ATP11C: variants seen among roughly 807,000 people sequenced by gnomAD.
ATP11C encodes the protein ATPase phospholipid transporting 11C (ATP11C blood group), also known as phospholipid-transporting ATPase IG.
A neutral mutation model predicts 97.4 loss-of-function variants in ATP11C; 36 were observed. The ratio of observed to expected loss-of-function variants is 0.37; its 90% CI spans 0.28 to 0.49. The LOEUF (loss-of-function observed/expected upper bound fraction) is 0.49, where lower values mean the gene tolerates loss of function less well. ATP11C is among the 20% of genes least tolerant of loss of function. The pLI is 0.98. For synonymous variants in ATP11C, 275 were observed against 290.9 expected, an observed-to-expected ratio of 0.95 and a Z score of 0.56; for missense variants, 730 against 824.6, an observed-to-expected ratio of 0.89 and a Z score of 1.40.
At chrX:139,782,771 T>C (rs367988161) in intron 17 of ATP11C, 43 bp from the exon 18 acceptor site, 1,331 of 930,619 alleles carry the variant, frequency 1.4e-3, no homozygotes, top group Non-Finnish European at 1.8e-3. Context: ...TAATAATAGT[T>C]GGAAAAAAAA....
At chrX:139,744,904 A>C (rs915692627) in intron 25 of ATP11C, among the ~76,000 whole-genome samples, 2 of 111,906 alleles carry the variant, frequency 1.8e-5, no homozygotes, top group African/African-American at 6.5e-5. Context: ...TACCATTCAA[A>C]TTCACTGAAC....
At chrX:139,775,343 T>C (rs953942324) in intron 18 of ATP11C, among the ~76,000 whole-genome samples, 2 of 112,458 alleles carry the variant, frequency 1.8e-5, no homozygotes, top group Non-Finnish European at 3.8e-5. Flanking sequence ...GGTCCAAACA[T>C]TCTAATCAGA....
At chrX:139,747,337 C>G (rs2081710298) in intron 24 of ATP11C, among the ~76,000 whole-genome samples, 1 of 111,400 alleles carries the variant, frequency 9.0e-6, no homozygotes, top group Non-Finnish European at 1.9e-5. Context: ...GGGAAAAGAG[C>G]AGGAGCAGCA....
At chrX:139,889,062 C>T (rs1490328495) in intron 1 of ATP11C, among the ~76,000 whole-genome samples, 2 of 111,720 alleles carry the variant, frequency 1.8e-5, no homozygotes, top group Non-Finnish European at 3.8e-5. Flanking sequence ...CTCACCTTGG[C>T]CTCCCAAAGT....
chrX:139,769,718 G>A (rs947793422), intron 19 of ATP11C, among the ~76,000 whole-genome samples: 1 of 111,550 alleles, frequency 9.0e-6, no homozygotes, highest in Non-Finnish European at 1.9e-5. Flanking sequence ...TACAGTGGAA[G>A]CATTAGACAA....
rs757115970 is a variant in ATP11C, at chrX:139,888,812, GT to G, written c.27+43203del. On this transcript the variant is annotated intron_variant, in intron 1 of 29. Transcript: ENST00000682941. ...ACATCTACACAGAAACCTGAACACA[GT>G]TTTTTTTTTTTTGGAGACAGGGTCT... Among the ~76,000 whole-genome samples the G allele has an allele frequency of 7.9e-4, 81 of 102,634 alleles. 3 individuals are homozygous for G. The Middle Eastern group carries it at 0.015, about 19-fold the overall frequency. 89.1% of individuals were successfully genotyped at this position (102,634 alleles called of 115,157 possible).
rs948473403 is a variant in ATP11C at position 139,798,619 on chromosome X, A to G, written c.775+60T>C. Reference sequence around the variant, plus strand: ...CCATGTTTACTTTTTAATATGCACTATTTATTCACAGCCTTTACAAAGCAT... The same window carrying G: ...CCATGTTTACTTTTTAATATGCACTGTTTATTCACAGCCTTTACAAAGCAT... On this transcript the variant is annotated intron_variant, in intron 9 of 29. Coordinates refer to ENST00000682941, the MANE Select transcript of ATP11C (RefSeq NM_001353812.2). 3.0e-5 allele frequency: 28 copies of G among 932,742 alleles called. No individual in the cohort carries two copies. The African/African-American group carries it at 4.7e-4, about 16-fold the overall frequency. The allele number at this position is 932,742 out of a possible 1,213,427, so 76.9% of individuals were successfully genotyped here.
chrX:139,802,029 A>G (rs1008590917), intron 7 of ATP11C, among the ~76,000 whole-genome samples: 1 of 112,125 alleles, frequency 8.9e-6, no homozygotes, highest in Non-Finnish European at 1.9e-5. Context: ...AAGAAAAATC[A>G]TAAGATACCT....
chrX:139,736,544 T>C lies in ATP11C; in HGVS notation c.3288+1372A>G, dbSNP rs2148616181. ...TTATTGCAACATTATTTTATTTGGT[T>C]TCATGCAAATTGCCACTTGAGACAT... On this transcript the variant is annotated intron_variant, in intron 28 of 29. Coordinates refer to ENST00000682941, the MANE Select transcript of ATP11C (RefSeq NM_001353812.2). Among the ~76,000 whole-genome samples the C allele has an allele frequency of 1.8e-5, 2 of 111,783 alleles. 1 individual carries two copies. Among genetic ancestry groups the C allele is most frequent in the South Asian group, 7.6e-4 (2 of 2,643 alleles).
At chrX:139,808,802 T>C in intron 5 of ATP11C, among the ~76,000 whole-genome samples, 1 of 112,381 alleles carries the variant, frequency 8.9e-6, no homozygotes, top group Non-Finnish European at 1.9e-5. Context: ...AATATAGTTC[T>C]TATTGTTAAT....
intron 12 of ATP11C, among the ~76,000 whole-genome samples, chrX:139,792,818 CAT>C (rs1373593381): frequency 3.6e-5 from 4 of 112,239 alleles, no homozygotes; most frequent in African/African-American, 9.7e-5. Flanking sequence ...TATCGTCCCA[CAT>C]GTCTCTTCAT....
At chrX:139,862,930 T>C (rs1051392206) in intron 1 of ATP11C, among the ~76,000 whole-genome samples, 1 of 111,795 alleles carries the variant, frequency 8.9e-6, no homozygotes, top group African/African-American at 3.3e-5. Context: ...CATCTGTTTC[T>C]GCATTAAACA....
chrX:139,920,350 C>CAAAA (rs765081033), intron 1 of ATP11C, among the ~76,000 whole-genome samples: 1 of 56,782 alleles, frequency 1.8e-5, no homozygotes, highest in Non-Finnish European at 3.5e-5. Context: ...GACTCCACCT[C>CAAAA]AAAAAAAAAA....
chrX:139,806,721 G>A (rs1465132889), intron 5 of ATP11C, among the ~76,000 whole-genome samples: 2 of 111,732 alleles, frequency 1.8e-5, no homozygotes, highest in African/African-American at 6.5e-5. Context: ...CATACAGGCA[G>A]GAGACCTAAA....
intron 15 of ATP11C, among the ~76,000 whole-genome samples, chrX:139,785,805 TAAGAAC>T (rs1451493807): frequency 3.6e-5 from 4 of 111,240 alleles, no homozygotes; most frequent in Non-Finnish European, 5.7e-5. Flanking sequence ...AGGGAAGATA[TAAGAAC>T]ACAGAAGGAA....
At chrX:139,735,395 T>C (rs1428636667) in intron 28 of ATP11C, among the ~76,000 whole-genome samples, 1 of 111,888 alleles carries the variant, frequency 8.9e-6, no homozygotes, top group Non-Finnish European at 1.9e-5. Flanking sequence ...TACTTATTGG[T>C]TGAAGTCAGG....
rs1010790968 is a variant in ATP11C, at chrX:139,727,087, C to A, written c.*1879G>T. 1 of 111,618 alleles carries A rather than the reference C, an allele frequency of 9.0e-6. No homozygotes were observed. Among genetic ancestry groups the A allele is most frequent in the African/African-American group, 3.3e-5 (1 of 30,649 alleles). 9.2% of individuals were successfully genotyped at this position (111,618 alleles called of 1,213,427 possible). On this transcript the variant is annotated 3_prime_UTR_variant, in exon 30 of 30. Transcript: ENST00000682941. ...TGGCTGGAAGGAATTTTACATGCAA[C>A]CAGTTATTTTTCTACTAGATTATTC... is the stretch of plus-strand genomic sequence containing the variant.
chrX:139,903,863 A>G (rs1385730897), intron 1 of ATP11C, among the ~76,000 whole-genome samples: 1 of 110,565 alleles, frequency 9.0e-6, no homozygotes, highest in Non-Finnish European at 1.9e-5. Flanking sequence ...ACCTTCACTC[A>G]ATATTTTTAT....
intron 1 of ATP11C, among the ~76,000 whole-genome samples, chrX:139,856,239 T>G (rs1162139153): frequency 1.8e-5 from 2 of 112,377 alleles, no homozygotes; most frequent in African/African-American, 3.2e-5. Context: ...GAGTAATAAG[T>G]CGTGCCAAGC....
Sources: gnomAD v4.1 joint callset for allele counts (sites outside exome capture counted in the v4.1 genomes callset) on GRCh38, gnomAD v4.1.1 for gene constraint, MANE v1.5 for transcripts, NCBI Gene and HGNC (gene_info 2026-07-23, HGNC 2026-07-21) for gene names.